The following TACC3 variants were observed in gnomAD, a reference collection of about 807,000 sequenced individuals.
TACC3 encodes the protein transforming acidic coiled-coil-containing protein 3.
TACC3 carries 52 observed loss-of-function variants against 86.0 expected under a neutral mutation model. That is an observed-to-expected ratio of 0.60 (90% CI 0.48 to 0.76). The LOEUF is 0.76. Among genes scored for constraint, TACC3 ranks in the 30% least tolerant of loss-of-function variants. The pLI is 0.00. For synonymous variants in TACC3, 512 were observed against 430.0 expected, an observed-to-expected ratio of 1.19 and a Z score of -2.36; for missense variants, 1,120 against 1,070.4, an observed-to-expected ratio of 1.05 and a Z score of -0.65.
At position 1,730,907 on chromosome 4, in the gene TACC3, C is replaced by T. The variant is rs963678958; in HGVS notation, c.1406C>T (p.Ala469Val). The T allele has an allele frequency of 6.2e-6, 10 of 1,613,198 alleles. No individual in the cohort carries two copies. The highest frequency in any genetic ancestry group is 2.7e-5 in the African/African-American group (2 of 74,942). Residue 469 changes from alanine to valine, a missense_variant, in exon 5 of 16, where the codon GCG becomes GTG. Transcript: ENST00000313288. ...CCCAGGCAGCTGCATTCAGCCTCAGCGGAGGACACGCCTGTGGTGCAGTTG... is the reference window on the plus strand; with the variant it reads ...CCCAGGCAGCTGCATTCAGCCTCAGTGGAGGACACGCCTGTGGTGCAGTTG... ...CLSQQLHSAS[A>V]EDTPVVQLAA... is the part of the protein sequence containing the mutation.
Position 1,737,607 on chromosome 4 carries a change from C to A in TACC3, c.1846C>A (p.Pro616Thr), listed in dbSNP as rs1718344817. ...LGALDIPVPG[P>T]PPGVPAPGGP... ...TCCCCATCTCCCGCAGGTGCCAGGC[C>A]CACCCCCAGGTGTTCCCGCGCCTGG... is the stretch of plus-strand genomic sequence containing the variant. The change falls in exon 10 of 16, where the codon CCA becomes ACA. Residue 616 changes from proline (P) to threonine (T), a missense_variant. Coordinates refer to ENST00000313288, the MANE Select transcript of TACC3 (RefSeq NM_006342.3). 1 of 1,512,860 alleles carries A rather than the reference C, an allele frequency of 6.6e-7. No homozygotes were observed. Among genetic ancestry groups the A allele is most frequent in the Non-Finnish European group, 8.9e-7 (1 of 1,125,574 alleles). The allele number at this position is 1,512,860 out of a possible 1,614,324, so 93.7% of individuals were successfully genotyped here.
chr4:1,740,703 TCA>T, intron 12 of TACC3, 121 bp from the exon 13 acceptor site: 1 of 821,218 alleles, frequency 1.2e-6, no homozygotes, highest in Non-Finnish European at 2.0e-6. Flanking sequence ...CCTCCGAGGC[TCA>T]CACCCACTGC....
In TACC3 at chr4:1,723,761, A is replaced by G. The variant is rs1717542684; in HGVS notation, c.196A>G (p.Thr66Ala). Residue 66 changes from threonine to alanine, a missense_variant, in exon 3 of 16, where the codon ACG becomes GCG. Coordinates refer to ENST00000313288, the MANE Select transcript of TACC3 (RefSeq NM_006342.3). ...TCAGACACCTCTGCGGGATCCACAG[A>G]CGCACAGGATTCTAAGTCCTAGCAT... ...TFQTPLRDPQ[T>A]HRILSPSMAS... The G allele has an allele frequency of 6.2e-7, 1 of 1,613,676 alleles. No homozygotes were observed. Among genetic ancestry groups the G allele is most frequent in the Non-Finnish European group, 8.5e-7 (1 of 1,180,036 alleles).
At chr4:1,730,677 A>G in intron 4 of TACC3, 1 of 704,780 alleles carries the variant, frequency 1.4e-6, no homozygotes, top group Non-Finnish European at 2.6e-6. Context: ...GCTGGCAGGC[A>G]AGGCGCGTGT....
At chr4:1,720,893 G>A (rs2108676945), upstream of TACC3, 6 of 1,515,270 alleles carry the variant, frequency 4.0e-6, no homozygotes, top group East Asian at 2.5e-5. The surrounding 1 kb of genome is among the most constrained non-coding windows in gnomAD (Gnocchi z 4.4). Flanking sequence ...CGCGGACGAG[G>A]CCGCAGCGCC....
chr4:1,741,023 G>A, intron 13 of TACC3, 37 bp downstream of exon 13: 1 of 1,568,128 alleles, frequency 6.4e-7, no homozygotes, highest in South Asian at 1.2e-5. Flanking sequence ...CACCTCGGAG[G>A]CTGATGGACT....
At chr4:1,730,303 C>T (rs755953322) in intron 4 of TACC3, 3 of 197,514 alleles carry the variant, frequency 1.5e-5, no homozygotes, top group Non-Finnish European at 2.1e-5. Context: ...TCCCAAAGTG[C>T]TGGGATTACA....
In TACC3 at chr4:1,737,347, C is replaced by G. The variant is rs1252366564; in HGVS notation, c.1836+19C>G. ...CATTCCTGTAAGTCCTTGAGTCCCT[C>G]TTGAACTGTCTTGTGTGTGGTCTGA... On this transcript the variant is annotated intron_variant, in intron 9 of 15. Coordinates refer to ENST00000313288, the MANE Select transcript of TACC3 (RefSeq NM_006342.3). 3 of 1,603,766 alleles carry G rather than the reference C, an allele frequency of 1.9e-6. No individual in the cohort carries two copies. Among genetic ancestry groups the G allele is most frequent in the Non-Finnish European group, 2.6e-6 (3 of 1,170,680 alleles).
rs1417720095 is a variant in TACC3, at chr4:1,737,611, C to A, written c.1850C>A (p.Pro617His). ...CATCTCCCGCAGGTGCCAGGCCCAC[C>A]CCCAGGTGTTCCCGCGCCTGGGGGC... ...GALDIPVPGPPPGVPAPGGPP... is the reference protein window; with the variant it reads ...GALDIPVPGPHPGVPAPGGPP... The change falls in exon 10 of 16, where the codon CCC becomes CAC. Residue 617 changes from proline (P) to histidine (H), a missense_variant. Coordinates refer to ENST00000313288, the MANE Select transcript of TACC3 (RefSeq NM_006342.3). 1 of 1,519,838 alleles carries A rather than the reference C, an allele frequency of 6.6e-7. No homozygotes were observed. Among genetic ancestry groups the A allele is most frequent in the South Asian group, 1.2e-5 (1 of 80,060 alleles). The allele number at this position is 1,519,838 out of a possible 1,614,324, so 94.1% of individuals were successfully genotyped here.
chr4:1,729,227 C>T (rs1419271745), intron 4 of TACC3, among the ~76,000 whole-genome samples: 1 of 152,132 alleles, frequency 6.6e-6, no homozygotes, highest in Non-Finnish European at 1.5e-5. Flanking sequence ...TCTTAGGCTA[C>T]ATCTCCTAGA....
At chr4:1,725,214 G>A (rs1717627056) in intron 3 of TACC3, among the ~76,000 whole-genome samples, 1 of 152,172 alleles carries the variant, frequency 6.6e-6, no homozygotes, top group Non-Finnish European at 1.5e-5. Flanking sequence ...TTACAGGCAT[G>A]AGCCACCACG....
At chr4:1,731,001 G>C (rs1177304639) in intron 5 of TACC3, 39 bp downstream of exon 5, 2 of 1,612,296 alleles carry the variant, frequency 1.2e-6, no homozygotes, top group Non-Finnish European at 1.7e-6. Context: ...CTCCTGGCCT[G>C]GTCGTGTAGA....
chr4:1,730,806 G>A (rs1273069214), intron 4 of TACC3, 81 bp from the exon 5 acceptor site: 14 of 1,453,850 alleles, frequency 9.6e-6, no homozygotes, highest in Admixed American at 6.9e-5. Context: ...AGGGAAAGGC[G>A]ATGGCAGCTC....
At chr4:1,744,107 G>A (rs550954530) in intron 13 of TACC3, among the ~76,000 whole-genome samples, 14 of 152,264 alleles carry the variant, frequency 9.2e-5, no homozygotes, top group South Asian at 4.1e-4. Flanking sequence ...AGGAGCAGGC[G>A]TGTCTGGGTA....
At chr4:1,722,194 C>T (rs1717426452) in intron 1 of TACC3, among the ~76,000 whole-genome samples, 1 of 152,200 alleles carries the variant, frequency 6.6e-6, no homozygotes, top group Non-Finnish European at 1.5e-5. Flanking sequence ...CCCAGAGCCC[C>T]TCCCGGGCCT....
chr4:1,723,895 G>C (rs1717550551), intron 3 of TACC3, 25 bp downstream of exon 3: 2 of 1,611,096 alleles, frequency 1.2e-6, no homozygotes, highest in African/African-American at 1.3e-5. Context: ...TGCTGGACAT[G>C]CTGGAGCTTC....
chr4:1,724,754 G>C (rs557956205), intron 3 of TACC3, among the ~76,000 whole-genome samples: 1 of 150,210 alleles, frequency 6.7e-6, no homozygotes, highest in African/African-American at 2.4e-5. Flanking sequence ...GTTTTTTGCT[G>C]ATGTAACTGT....
intron 8 of TACC3, among the ~76,000 whole-genome samples, chr4:1,736,857 C>T (rs1718292327): frequency 6.6e-6 from 1 of 151,942 alleles, no homozygotes; most frequent in Non-Finnish European, 1.5e-5. Flanking sequence ...TTGCAGGGAG[C>T]CGAGATCATG....
At chr4:1,737,206 G>T in intron 8 of TACC3, 35 bp from the exon 9 acceptor site, 1 of 1,562,588 alleles carries the variant, frequency 6.4e-7, no homozygotes, top group Non-Finnish European at 8.8e-7. Context: ...CACTGGGAGG[G>T]CCTAGTGACT....
Sources: allele counts gnomAD v4.1 joint callset (sites outside exome capture counted in the v4.1 genomes callset), GRCh38; gene constraint gnomAD v4.1.1; non-coding constraint Gnocchi (gnomAD v3.1); transcripts MANE v1.5; gene names NCBI Gene and HGNC (gene_info 2026-07-23, HGNC 2026-07-21).